FHIT: variants seen among roughly 807,000 people sequenced by gnomAD.
The protein encoded by FHIT is bis(5'-adenosyl)-triphosphatase.
Under a neutral mutation model 17.9 loss-of-function variants are expected in FHIT, and 19 were observed. The observed-to-expected ratio is 1.06, with a 90% CI of 0.74 to 1.56. The LOEUF (loss-of-function observed/expected upper bound fraction) is 1.56, where lower values mean the gene tolerates loss of function less well. FHIT is among the 40% of genes most tolerant of loss of function. The probability of loss-of-function intolerance (pLI) is 0.00; values close to 1 mark genes in which losing one functional copy is unlikely to be tolerated. For missense variants in FHIT, 248 were observed against 189.2 expected (o/e 1.31, Z -1.82); for synonymous variants, 81 against 69.7 (o/e 1.16, Z -0.81).
intron 5 of FHIT, among the ~76,000 whole-genome samples, chr3:60,257,071 C>T (rs1437539109): frequency 1.3e-5 from 2 of 152,166 alleles, no homozygotes; most frequent in Admixed American, 1.3e-4. Flanking sequence ...ACAGCTTTGC[C>T]TCCATTTTCA....
intron 3 of FHIT, among the ~76,000 whole-genome samples, chr3:60,955,610 A>ATATATATACATATATATATATACATATG (rs1709092706): frequency 3.8e-4 from 5 of 13,116 alleles, no homozygotes; most frequent in South Asian, 3.5e-3. Flanking sequence ...ATATATATAT[A>ATATATATACATATATATATATACATATG]TATATATATA....
intron 7 of FHIT, among the ~76,000 whole-genome samples, chr3:60,004,326 T>C (rs1699840921): frequency 6.6e-6 from 1 of 152,112 alleles, no homozygotes; most frequent in Non-Finnish European, 1.5e-5. Flanking sequence ...GCAAAATAAA[T>C]TAAACAGCCA....
At chr3:61,027,063 T>G in intron 3 of FHIT, among the ~76,000 whole-genome samples, 1 of 152,000 alleles carries the variant, frequency 6.6e-6, no homozygotes, top group East Asian at 1.9e-4. Flanking sequence ...AATAAATAAA[T>G]ATATGAAGCT....
chr3:60,071,770 C>T (rs1398676380), intron 5 of FHIT, among the ~76,000 whole-genome samples: 1 of 152,132 alleles, frequency 6.6e-6, no homozygotes, highest in African/African-American at 2.4e-5. Flanking sequence ...CCATAATTCC[C>T]GTATGTTATG....
At chr3:60,744,268 C>CAAAAAAAAAAAAAAACAAAA (rs2042305994) in intron 4 of FHIT, among the ~76,000 whole-genome samples, 1 of 80,088 alleles carries the variant, frequency 1.2e-5, no homozygotes, top group Non-Finnish European at 2.4e-5. Context: ...CAAAACAAAA[C>CAAAAAAAAAAAAAAACAAAA]AAAAAAAAAA....
chr3:61,007,558 A>G (rs1212370670), intron 3 of FHIT, among the ~76,000 whole-genome samples: 1 of 152,214 alleles, frequency 6.6e-6, no homozygotes, highest in Non-Finnish European at 1.5e-5. Context: ...TTAATCTCCT[A>G]CCAAAGATGG....
chr3:59,908,657 C>T (rs988749062), intron 8 of FHIT, among the ~76,000 whole-genome samples: 4 of 151,958 alleles, frequency 2.6e-5, no homozygotes, highest in Admixed American at 2.6e-4. Context: ...ACATGTTGCT[C>T]ATTAAGGCCC....
At chr3:60,914,094 C>A (rs868951661) in intron 3 of FHIT, among the ~76,000 whole-genome samples, 1 of 152,320 alleles carries the variant, frequency 6.6e-6, no homozygotes, top group South Asian at 2.1e-4. Context: ...TTTTTGCAGA[C>A]AAGCTACCAC....
chr3:60,328,136 C>G (rs151199287), intron 5 of FHIT, among the ~76,000 whole-genome samples: 17 of 151,014 alleles, frequency 1.1e-4, no homozygotes, highest in South Asian at 6.3e-4. Flanking sequence ...TCCAATCCAA[C>G]TGTAAGGGAG....
At chr3:60,275,254 C>T (rs1378001338) in intron 5 of FHIT, among the ~76,000 whole-genome samples, 1 of 151,254 alleles carries the variant, frequency 6.6e-6, no homozygotes, top group Non-Finnish European at 1.5e-5. Flanking sequence ...AACTATGAAT[C>T]AACTAACTTA....
At chr3:59,786,917 G>A (rs1001751593) in intron 8 of FHIT, among the ~76,000 whole-genome samples, 9 of 152,162 alleles carry the variant, frequency 5.9e-5, no homozygotes, top group African/African-American at 2.2e-4. Flanking sequence ...GGTCATTTTT[G>A]CATTGCTGAA....
chr3:60,048,334 G>A (rs971029822), intron 5 of FHIT, among the ~76,000 whole-genome samples: 7 of 152,042 alleles, frequency 4.6e-5, no homozygotes, highest in African/African-American at 1.4e-4. Flanking sequence ...GTGCCACCAC[G>A]CTTCCCTAAT....
At chr3:60,790,758 C>G (rs1327287478) in intron 4 of FHIT, among the ~76,000 whole-genome samples, 1 of 152,168 alleles carries the variant, frequency 6.6e-6, no homozygotes, top group Non-Finnish European at 1.5e-5. Flanking sequence ...TCCAAACACA[C>G]AGGACTATGA....
intron 5 of FHIT, among the ~76,000 whole-genome samples, chr3:60,048,670 G>T (rs1357172534): frequency 6.6e-6 from 1 of 152,152 alleles, no homozygotes; most frequent in East Asian, 1.9e-4. Context: ...ATTGTATAGG[G>T]CCTTATTTTG....
chr3:60,809,629 C>G (rs1183831006), intron 4 of FHIT, among the ~76,000 whole-genome samples: 1 of 152,180 alleles, frequency 6.6e-6, no homozygotes, highest in East Asian at 1.9e-4. Flanking sequence ...TCACCCAGAG[C>G]TCTTATTAAA....
At chr3:60,751,576 C>T (rs1337655458) in intron 4 of FHIT, among the ~76,000 whole-genome samples, 3 of 152,136 alleles carry the variant, frequency 2.0e-5, no homozygotes, top group Non-Finnish European at 4.4e-5. Context: ...ACAAAAATTA[C>T]AACAAATATT....
chr3:60,181,396 T>G (rs1204211411), intron 5 of FHIT, among the ~76,000 whole-genome samples: 1 of 152,152 alleles, frequency 6.6e-6, no homozygotes, highest in African/African-American at 2.4e-5. Flanking sequence ...TCTGCCCACC[T>G]CGGCCTCCCA....
intron 5 of FHIT, among the ~76,000 whole-genome samples, chr3:60,201,540 C>T (rs1019454985): frequency 6.6e-6 from 1 of 151,970 alleles, no homozygotes. Context: ...CACCCTACCC[C>T]CCAAAAAACC....
In FHIT at chr3:60,499,232, T is replaced by A. The variant is rs1418454148; in HGVS notation, c.103+37628A>T. Among the ~76,000 whole-genome samples the A allele has an allele frequency of 3.3e-5, 5 of 152,238 alleles. 1 individual carries two copies. The East Asian group carries it at 7.7e-4, about 24-fold the overall frequency. Reference sequence around the variant, plus strand: ...TTAAATGATTTGCAGCAAAATAATGTTTATATTAAAAATCCTGTTTTCCTT... The same window carrying A: ...TTAAATGATTTGCAGCAAAATAATGATTATATTAAAAATCCTGTTTTCCTT... On this transcript the variant is annotated intron_variant, in intron 5 of 9. Transcript: ENST00000492590.
Sources: gnomAD v4.1 joint callset for allele counts (sites outside exome capture counted in the v4.1 genomes callset) on GRCh38, gnomAD v4.1.1 for gene constraint, MANE v1.5 for transcripts, NCBI Gene and HGNC (gene_info 2026-07-23, HGNC 2026-07-21) for gene names.